OR4K17: variants seen among roughly 807,000 people sequenced by gnomAD.
OR4K17 encodes olfactory receptor 4K17.
For missense variants in OR4K17, 480 were observed against 366.3 expected, an observed-to-expected ratio of 1.31 and a Z score of -2.53; for synonymous variants, 157 against 132.8, an observed-to-expected ratio of 1.18 and a Z score of -1.25.
rs1390195670 is a variant in OR4K17, at chr14:20,121,118, G to A, written c.*2680G>A. On this transcript the variant is annotated 3_prime_UTR_variant, in exon 2 of 2. Transcript: ENST00000641386. Reference sequence around the variant, plus strand: ...GGAAGTTCTTTCTGTACTGAAACCAGCCTGTGAAGTCTGGAAGAGATGACT... The same window carrying A: ...GGAAGTTCTTTCTGTACTGAAACCAACCTGTGAAGTCTGGAAGAGATGACT... 2.0e-5 allele frequency: 3 copies of A among 152,176 alleles called. No homozygotes were observed. The highest frequency in any genetic ancestry group is 3.8e-4 in the East Asian group (2 of 5,202). The allele number at this position is 152,176 out of a possible 1,614,324, so 9.4% of individuals were successfully genotyped here. A position where few individuals can be genotyped will look rare whatever the true frequency, so the allele number is the denominator to read the frequency against.
At chr14:20,116,794 G>A (rs970059802) in intron 1 of OR4K17, among the ~76,000 whole-genome samples, 1 of 152,026 alleles carries the variant, frequency 6.6e-6, no homozygotes, top group Non-Finnish European at 1.5e-5. Flanking sequence ...TAGAAATATG[G>A]GTTTCAGCCA....
rs1878049663 is a variant in OR4K17, at chr14:20,117,986, G to T, written c.487G>T (p.Ala163Ser). ...TCACTCAGGGTTTCAGATACCATTT[G>T]CTGTGAACTTGCCCTTTTGTGGTCC... Reference protein sequence around the residue: ...LLHSGFQIPFAVNLPFCGPNV... With the variant: ...LLHSGFQIPFSVNLPFCGPNV... Residue 163 changes from alanine to serine, a missense_variant, in exon 2 of 2, where the codon GCT (alanine) becomes TCT (serine). Ala to Ser is a moderately conservative substitution (Grantham distance 99, BLOSUM62 1). Coordinates refer to ENST00000641386, the MANE Select transcript of OR4K17 (RefSeq NM_001004715.5). The T allele has an allele frequency of 5.6e-6, 9 of 1,614,102 alleles. No homozygotes were observed. The highest frequency in any genetic ancestry group is 7.6e-6 in the Non-Finnish European group (9 of 1,180,014).
rs762572974 is a variant in OR4K17 at position 20,117,719 on chromosome 14, G to C, written c.220G>C (p.Ala74Pro). 1.2e-6 allele frequency: 2 copies of C among 1,613,832 alleles called. No homozygotes were observed. Among genetic ancestry groups the C allele is most frequent in the Non-Finnish European group, 1.7e-6 (2 of 1,179,970 alleles). The change falls in exon 2 of 2, where the codon GCT (alanine) becomes CCT (proline). Residue 74 changes from alanine to proline, a missense_variant. Physicochemically the swap from Ala to Pro is conservative, Grantham distance 27. Transcript: ENST00000641386. The stretch of plus-strand genomic sequence containing the variant: ...TCTCTCTTTTGTAGATATGACCCTT[G>C]CTTCTTTTGCCACCCCTAAGGTGAT... ...GNLSFVDMTL[A>P]SFATPKVILN...
chr14:20,118,573 G>A lies in OR4K17; in HGVS notation c.*135G>A, dbSNP rs984739979. 2 of 582,492 alleles carry A rather than the reference G, an allele frequency of 3.4e-6. No individual in the cohort carries two copies. The highest frequency in any genetic ancestry group is 5.9e-6 in the Non-Finnish European group (2 of 337,622). 36.1% of individuals were successfully genotyped at this position (582,492 alleles called of 1,614,324 possible). A position where few individuals can be genotyped will look rare whatever the true frequency, so the allele number is the denominator to read the frequency against. ...TTCTATTTTCCCTAAGTGTTGACTG[G>A]TCTGAGAAATAAAGGGAAAGAATAC... On this transcript the variant is annotated 3_prime_UTR_variant, in exon 2 of 2. Transcript: ENST00000641386.
rs775922448 is a variant in OR4K17 at position 20,118,087 on chromosome 14, G to A, written c.588G>A (p.Gln196=). 8 of 1,614,032 alleles carry A rather than the reference G, an allele frequency of 5.0e-6. No individual in the cohort carries two copies. The highest frequency in any genetic ancestry group is 6.8e-6 in the Non-Finnish European group (8 of 1,179,974). The change falls in exon 2 of 2, where the codon CAG becomes CAA. Residue 196 remains glutamine, a synonymous_variant. Transcript: ENST00000641386. ...CCTGTATAGACATATATTTTGTACA[G>A]GTAGTCATTGTTGCCAACAGTGGCA... ...KLACIDIYFV[Q]VVIVANSGII...
In OR4K17 at chr14:20,118,239, T is replaced by A. The variant is rs1294358832; in HGVS notation, c.740T>A (p.Val247Glu). 6.2e-7 allele frequency: 1 copy of A among 1,614,014 alleles called. No individual in the cohort carries two copies. The highest frequency in any genetic ancestry group is 8.5e-7 in the Non-Finnish European group (1 of 1,179,894). Reference sequence around the variant, plus strand: ...ACTTTGACTGCTCACATCACAGTGGTGATTCTCTTCTTTGGCCCATGCATC... The same window carrying A: ...ACTTTGACTGCTCACATCACAGTGGAGATTCTCTTCTTTGGCCCATGCATC... The part of the protein sequence containing the change: ...RSTLTAHITV[V>E]ILFFGPCIFI... The change falls in exon 2 of 2, where the codon GTG becomes GAG. Residue 247 changes from valine to glutamate, a missense_variant. Transcript: ENST00000641386.
intron 1 of OR4K17, among the ~76,000 whole-genome samples, chr14:20,115,886 T>C (rs1312577318): frequency 1.3e-5 from 2 of 152,090 alleles, no homozygotes; most frequent in Non-Finnish European, 2.9e-5. Flanking sequence ...CACAGACAAA[T>C]TTTAGACAAC....
At chr14:20,116,886 GA>G (rs1408491249) in intron 1 of OR4K17, among the ~76,000 whole-genome samples, 3 of 152,154 alleles carry the variant, frequency 2.0e-5, no homozygotes, top group Non-Finnish European at 4.4e-5. Context: ...TACAAGACTA[GA>G]AGCCCACTGG....
At chr14:20,113,600 A>G (rs1249709641) in intron 1 of OR4K17, among the ~76,000 whole-genome samples, 1 of 152,076 alleles carries the variant, frequency 6.6e-6, no homozygotes, top group Non-Finnish European at 1.5e-5. Flanking sequence ...TCTGTGATAT[A>G]ACATACATAC....
At position 20,120,564 on chromosome 14, in the gene OR4K17, G is replaced by A. The variant is rs1878140181; in HGVS notation, c.*2126G>A. On this transcript the variant is annotated 3_prime_UTR_variant, in exon 2 of 2. Coordinates refer to ENST00000641386, the MANE Select transcript of OR4K17 (RefSeq NM_001004715.5). ...AATTAGTTTCTACCTCAAACTCAGA[G>A]CCACTGCAACTCTGCACTTACCCAT... is the stretch of plus-strand genomic sequence containing the variant. 6.6e-6 allele frequency: 1 copy of A among 152,246 alleles called. No individual in the cohort carries two copies. Among genetic ancestry groups the A allele is most frequent in the East Asian group, 1.9e-4 (1 of 5,190 alleles). The allele number at this position is 152,246 out of a possible 1,614,324, so 9.4% of individuals were successfully genotyped here. A position where few individuals can be genotyped will look rare whatever the true frequency, so the allele number is the denominator to read the frequency against.
At chr14:20,115,989 G>A (rs57172183) in intron 1 of OR4K17, among the ~76,000 whole-genome samples, 2,083 of 152,184 alleles carry the variant, frequency 0.014, 53 homozygotes, top group African/African-American at 0.048. Flanking sequence ...CTGAAATGGG[G>A]ATAGAATAAT....
At chr14:20,117,287 T>C (rs1878015196) in intron 1 of OR4K17, 181 bp from the exon 2 acceptor site, 1 of 674,648 alleles carries the variant, frequency 1.5e-6, no homozygotes, top group South Asian at 2.0e-5. Flanking sequence ...CATTGCTCTT[T>C]TATGGAAGTG....
Position 20,117,497 on chromosome 14 carries a change from G to T in OR4K17, c.-3G>T. 6.2e-7 allele frequency: 1 copy of T among 1,613,526 alleles called. No homozygotes were observed. The highest frequency in any genetic ancestry group is 8.5e-7 in the Non-Finnish European group (1 of 1,179,538). ...TCCAAGAGCGAGCTGTAGGATGGAG[G>T]CCATGAAACTATTAAATCAATCTCA... is the stretch of plus-strand genomic sequence containing the variant. On this transcript the variant is annotated 5_prime_UTR_variant, in exon 2 of 2. Coordinates refer to ENST00000641386, the MANE Select transcript of OR4K17 (RefSeq NM_001004715.5).
rs1359341489 is a variant in OR4K17, at chr14:20,118,062, C to A, written c.563C>A (p.Ala188Asp). The change falls in exon 2 of 2, where the codon GCC becomes GAC. Residue 188 changes from alanine to aspartate, a missense_variant. Transcript: ENST00000641386. ...GACCTCCCTTTGGTTACTAAGCTTG[C>A]CTGTATAGACATATATTTTGTACAG... ...FCDLPLVTKL[A>D]CIDIYFVQVV... The A allele has an allele frequency of 1.2e-6, 2 of 1,614,094 alleles. No individual in the cohort carries two copies. The highest frequency in any genetic ancestry group is 1.1e-5 in the South Asian group (1 of 91,076).
chr14:20,111,088 G>T (rs56163433), intron 1 of OR4K17, among the ~76,000 whole-genome samples, 196 bp downstream of exon 1: 40,645 of 151,846 alleles, frequency 0.27, 5,711 homozygotes, highest in African/African-American at 0.31. Context: ...GACTAAATGA[G>T]ATGATATATG....
intron 1 of OR4K17, among the ~76,000 whole-genome samples, chr14:20,116,966 C>G (rs1163174272): frequency 1.3e-5 from 2 of 152,122 alleles, no homozygotes; most frequent in Non-Finnish European, 2.9e-5. Context: ...TTATCTAGAG[C>G]AGCTTTAAAT....
intron 1 of OR4K17, among the ~76,000 whole-genome samples, chr14:20,117,112 G>C (rs922189716): frequency 3.9e-5 from 6 of 152,146 alleles, no homozygotes; most frequent in Non-Finnish European, 8.8e-5. Flanking sequence ...AGTAGAGGTT[G>C]TGCTGAAACC....
At chr14:20,111,505 AG>A (rs1877883067) in intron 1 of OR4K17, among the ~76,000 whole-genome samples, 2 of 152,014 alleles carry the variant, frequency 1.3e-5, no homozygotes, top group African/African-American at 4.8e-5. Flanking sequence ...AGAGAGAACT[AG>A]GCTGCTCCTA....
At chr14:20,111,746 T>C (rs1877887667) in intron 1 of OR4K17, among the ~76,000 whole-genome samples, 1 of 152,016 alleles carries the variant, frequency 6.6e-6, no homozygotes. Flanking sequence ...ACTATAAGTA[T>C]ATGCCAAACA....
Sources: allele counts gnomAD v4.1 joint callset (sites outside exome capture counted in the v4.1 genomes callset), GRCh38; gene constraint gnomAD v4.1.1; transcripts MANE v1.5; gene names NCBI Gene and HGNC (gene_info 2026-07-23, HGNC 2026-07-21).